The following PARD6G variants were observed in gnomAD, a reference collection of about 807,000 sequenced individuals.
PARD6G encodes the protein partitioning defective 6 homolog gamma.
PARD6G carries 7 observed loss-of-function variants against 10.7 expected under a neutral mutation model. The observed-to-expected ratio is 0.66, with a 90% CI of 0.37 to 1.23. The LOEUF (loss-of-function observed/expected upper bound fraction) is 1.23, where lower values mean the gene tolerates loss of function less well. Among genes scored for constraint, PARD6G ranks in the 50% most tolerant of loss-of-function variants. The probability of loss-of-function intolerance (pLI) is 0.02; values close to 1 mark genes in which losing one functional copy is unlikely to be tolerated. For missense variants in PARD6G, 548 were observed against 571.8 expected (o/e 0.96, Z 0.42); for synonymous variants, 287 against 269.4 (o/e 1.07, Z -0.64).
intron 2 of PARD6G, among the ~76,000 whole-genome samples, chr18:80,168,607 GTA>G (rs55876902): frequency 2.2e-4 from 30 of 139,366 alleles, no homozygotes; most frequent in Non-Finnish European, 4.2e-4. Flanking sequence ...GTGTGTGTGT[GTA>G]TGTATATGTA....
At chr18:80,187,842 C>T (rs2052888504) in intron 2 of PARD6G, 1 of 152,258 alleles carries the variant, frequency 6.6e-6, no homozygotes, top group Non-Finnish European at 1.5e-5. Context: ...GGATGTAGCT[C>T]ACTGGATGCC....
chr18:80,217,426 A>C (rs181435473), intron 1 of PARD6G, among the ~76,000 whole-genome samples: 1 of 152,346 alleles, frequency 6.6e-6, no homozygotes, highest in East Asian at 1.9e-4. Context: ...CAGTATAAAA[A>C]GGGGGAAGAA....
intron 1 of PARD6G, among the ~76,000 whole-genome samples, chr18:80,238,577 T>C (rs527816188): frequency 1.3e-5 from 2 of 152,120 alleles, no homozygotes; most frequent in South Asian, 4.2e-4. Flanking sequence ...GAGACCCTAA[T>C]AGTGGTTACC....
At chr18:80,214,902 T>C (rs1967147755) in intron 1 of PARD6G, among the ~76,000 whole-genome samples, 1 of 152,088 alleles carries the variant, frequency 6.6e-6, no homozygotes, top group African/African-American at 2.4e-5. Context: ...AAGAGGTCCA[T>C]ACCTAGACAC....
intron 2 of PARD6G, among the ~76,000 whole-genome samples, chr18:80,168,140 A>C (rs1040962786): frequency 3.3e-5 from 5 of 152,146 alleles, no homozygotes; most frequent in Non-Finnish European, 7.3e-5. Flanking sequence ...GTTTGGTGCC[A>C]ACCACCCCGC....
In PARD6G at chr18:80,181,272, G is replaced by A. The variant is rs934513610; in HGVS notation, c.296-20666C>T. Among the ~76,000 whole-genome samples the A allele has an allele frequency of 6.6e-6, 1 of 152,148 alleles. No homozygotes were observed. The highest frequency in any genetic ancestry group is 2.4e-5 in the African/African-American group (1 of 41,424). On this transcript the variant is annotated intron_variant, in intron 2 of 2. Transcript: ENST00000353265. The surrounding 1 kb of genome is among the most constrained non-coding windows in gnomAD (Gnocchi z 7.9). ...ACGCCCCTGGGGGATAGGAGAGGTG[G>A]TGTCTGTCCCCTGGTCCCTCAGCCA...
chr18:80,222,630 G>A lies in PARD6G; in HGVS notation c.73-19698C>T, dbSNP rs74860838. On this transcript the variant is annotated intron_variant, in intron 1 of 2. Coordinates refer to ENST00000353265, the MANE Select transcript of PARD6G (RefSeq NM_032510.4). ...AGACGTATAAACGACCAGGGGAACC[G>A]AATTGAGAGTACAGAAAAAAACCTT... is the stretch of plus-strand genomic sequence containing the variant. Among the ~76,000 whole-genome samples the A allele has an allele frequency of 1.3e-4, 20 of 152,224 alleles. No homozygotes were observed. In the East Asian group the frequency reaches 2.7e-3, roughly 21 times the overall value.
At chr18:80,169,350 C>G (rs1056502587) in intron 2 of PARD6G, 1 of 152,308 alleles carries the variant, frequency 6.6e-6, no homozygotes, top group African/African-American at 2.4e-5. Context: ...AAGCACCAGA[C>G]AGATGCTGAA....
At chr18:80,202,953 T>TGGGGGGGG in intron 1 of PARD6G, 21 bp from the exon 2 acceptor site, 1 of 216,870 alleles carries the variant, frequency 4.6e-6, no homozygotes, top group Non-Finnish European at 9.0e-6. Flanking sequence ...AGAGACGGGG[T>TGGGGGGGG]GGGGGGAGGG....
At position 80,158,313 on chromosome 18, in the gene PARD6G, C is replaced by T. The variant is rs185082950; in HGVS notation, c.*1458G>A. 8 of 152,188 alleles carry T rather than the reference C, an allele frequency of 5.3e-5. No individual in the cohort carries two copies. The East Asian group carries it at 9.6e-4, about 18-fold the overall frequency. 9.4% of individuals were successfully genotyped at this position (152,188 alleles called of 1,614,324 possible). ...TTCAGAAAACAAAGATGAGAACTCACGTGCAAATGACTGCATTCTCAAAGA... is the reference window on the plus strand; with the variant it reads ...TTCAGAAAACAAAGATGAGAACTCATGTGCAAATGACTGCATTCTCAAAGA... On this transcript the variant is annotated 3_prime_UTR_variant, in exon 3 of 3. Coordinates refer to ENST00000353265, the MANE Select transcript of PARD6G (RefSeq NM_032510.4).
chr18:80,223,457 A>G (rs1967254046), intron 1 of PARD6G, among the ~76,000 whole-genome samples: 1 of 152,206 alleles, frequency 6.6e-6, no homozygotes, highest in South Asian at 2.1e-4. Context: ...AAAATGGTCA[A>G]ATAACTTTAA....
At chr18:80,194,620 G>A (rs1215902727) in intron 2 of PARD6G, among the ~76,000 whole-genome samples, 2 of 151,988 alleles carry the variant, frequency 1.3e-5, no homozygotes, top group African/African-American at 4.8e-5. Context: ...CGTGGGGTAG[G>A]GGTGAGCTCT....
intron 1 of PARD6G, among the ~76,000 whole-genome samples, chr18:80,211,729 A>G (rs1004262843): frequency 6.6e-6 from 1 of 152,232 alleles, no homozygotes; most frequent in African/African-American, 2.4e-5. Context: ...CATCTTCAAA[A>G]GGAAGGAAAT....
At chr18:80,241,658 A>G (rs763401466) in intron 1 of PARD6G, among the ~76,000 whole-genome samples, 1 of 152,210 alleles carries the variant, frequency 6.6e-6, no homozygotes, top group Non-Finnish European at 1.5e-5. Context: ...GACTCGGGGC[A>G]GGGCCGCAGG....
chr18:80,240,518 C>T (rs1178994218), intron 1 of PARD6G, among the ~76,000 whole-genome samples: 1 of 152,138 alleles, frequency 6.6e-6, no homozygotes, highest in African/African-American at 2.4e-5. Flanking sequence ...TTACACAGCA[C>T]GCCATTGAGA....
chr18:80,216,188 T>C (rs1280255318), intron 1 of PARD6G, among the ~76,000 whole-genome samples: 1 of 152,104 alleles, frequency 6.6e-6, no homozygotes, highest in Admixed American at 6.5e-5. Context: ...TTGGAGACTT[T>C]AATATCCCAA....
chr18:80,195,981 A>C (rs1259296311), intron 2 of PARD6G, among the ~76,000 whole-genome samples: 1 of 151,970 alleles, frequency 6.6e-6, no homozygotes, highest in Non-Finnish European at 1.5e-5. Flanking sequence ...TATATATTTT[A>C]GTTCAAAATA....
At chr18:80,178,798 T>C (rs992563319) in intron 2 of PARD6G, among the ~76,000 whole-genome samples, 1 of 148,288 alleles carries the variant, frequency 6.7e-6, no homozygotes, top group Non-Finnish European at 1.5e-5. Context: ...GCCGACAGCA[T>C]GGCAAGGTCC....
intron 1 of PARD6G, among the ~76,000 whole-genome samples, chr18:80,210,892 A>AC (rs1163572852): frequency 6.0e-5 from 6 of 100,260 alleles, no homozygotes; most frequent in African/African-American, 1.1e-4. Context: ...AAACCTCCCC[A>AC]CCCCCCATCC....
Sources: gnomAD v4.1 joint callset for allele counts (sites outside exome capture counted in the v4.1 genomes callset) on GRCh38, gnomAD v4.1.1 for gene constraint, Gnocchi (gnomAD v3.1) non-coding constraint, MANE v1.5 for transcripts, NCBI Gene and HGNC (gene_info 2026-07-23, HGNC 2026-07-21) for gene names.